Variants in SNX30 observed in about 807,000 individuals in gnomAD.
SNX30 encodes the protein sorting nexin family member 30.
A neutral mutation model predicts 46.4 loss-of-function variants in SNX30; 24 were observed. The ratio of observed to expected loss-of-function variants is 0.52; its 90% confidence interval spans 0.37 to 0.73. The LOEUF (loss-of-function observed/expected upper bound fraction) is 0.73, where lower values mean the gene tolerates loss of function less well. SNX30 is among the 30% of genes least tolerant of loss of function. The pLI is 0.00. For synonymous variants in SNX30, 189 were observed against 211.5 expected (o/e 0.89, Z 0.92); for missense variants, 533 against 555.7 (o/e 0.96, Z 0.41).
At chr9:112,817,862 T>A (rs1840425917) in intron 3 of SNX30, 47 bp downstream of exon 3, 1 of 1,315,608 alleles carries the variant, frequency 7.6e-7, no homozygotes, top group African/African-American at 1.4e-5. Context: ...TCCTGTGTTG[T>A]CTTTCCTGAA....
intron 1 of SNX30, among the ~76,000 whole-genome samples, chr9:112,793,525 A>G (rs575206837): frequency 2.6e-5 from 4 of 152,266 alleles, no homozygotes; most frequent in South Asian, 2.1e-4. Context: ...CAAACCTTCC[A>G]TGTCCTCTAC....
chr9:112,810,221 G>A (rs1235702127), intron 2 of SNX30, among the ~76,000 whole-genome samples: 1 of 152,134 alleles, frequency 6.6e-6, no homozygotes, highest in East Asian at 1.9e-4. Flanking sequence ...GATTTGGACA[G>A]TGTGGGAGTG....
Position 112,869,946 on chromosome 9 carries a change from C to A in SNX30, c.*1103C>A, listed in dbSNP as rs891156096. On this transcript the variant is annotated 3_prime_UTR_variant, in exon 9 of 9. Transcript: ENST00000374232. ...AATGTTCTACATAAAGTGCTTTAAC[C>A]CTTAACATTTCCTGGTCAGGAAGGA... The A allele has an allele frequency of 6.6e-6, 1 of 152,082 alleles. No individual in the cohort carries two copies. Among genetic ancestry groups the A allele is most frequent in the Non-Finnish European group, 1.5e-5 (1 of 68,010 alleles). The allele number at this position is 152,082 out of a possible 1,614,324, so 9.4% of individuals were successfully genotyped here.
chr9:112,762,294 G>A (rs1310863494), intron 1 of SNX30, among the ~76,000 whole-genome samples: 1 of 152,118 alleles, frequency 6.6e-6, no homozygotes, highest in Non-Finnish European at 1.5e-5. Flanking sequence ...TTGAGAAGGG[G>A]CACAGAGGCG....
chr9:112,831,013 C>T, intron 4 of SNX30, 130 bp downstream of exon 4: 1 of 934,012 alleles, frequency 1.1e-6, no homozygotes, highest in East Asian at 2.8e-5. Flanking sequence ...TGTTGTGCGC[C>T]TGTAGTCCCA....
At chr9:112,879,497 A>T, downstream of SNX30, 1 of 432,350 alleles carries the variant, frequency 2.3e-6, no homozygotes, top group Non-Finnish European at 4.3e-6. Context: ...GTAACCCTTA[A>T]GGTCATGCTC....
intron 3 of SNX30, among the ~76,000 whole-genome samples, chr9:112,826,873 G>T (rs1178483058): frequency 6.6e-6 from 1 of 152,226 alleles, no homozygotes; most frequent in Admixed American, 6.5e-5. Context: ...ACTTCTCAGT[G>T]CTTTGGACTG....
downstream of SNX30, among the ~76,000 whole-genome samples, chr9:112,882,236 A>G (rs530531747): frequency 8.6e-4 from 131 of 152,206 alleles, no homozygotes; most frequent in Non-Finnish European, 1.5e-3. Context: ...CCTCCCAACT[A>G]GCTGGGACTA....
intron 6 of SNX30, among the ~76,000 whole-genome samples, chr9:112,844,688 G>A (rs559454268): frequency 1.3e-5 from 2 of 152,344 alleles, no homozygotes; most frequent in South Asian, 2.1e-4. Flanking sequence ...AGACATCGTT[G>A]GTGATCGAGA....
In SNX30 at chr9:112,871,243, A is replaced by G. The variant is rs549172912; in HGVS notation, c.*2400A>G. ...AACAGAGCCAGGAAGTCCAGTGTAC[A>G]TTACAGATTTTCTGGGAGAAATAGT... On this transcript the variant is annotated 3_prime_UTR_variant, in exon 9 of 9. Coordinates refer to ENST00000374232, the MANE Select transcript of SNX30 (RefSeq NM_001012994.2). 1.2e-4 allele frequency: 18 copies of G among 152,272 alleles called. No homozygotes were observed. Among genetic ancestry groups the G allele is most frequent in the African/African-American group, 4.1e-4 (17 of 41,578 alleles). 9.4% of individuals were successfully genotyped at this position (152,272 alleles called of 1,614,324 possible).
intron 1 of SNX30, among the ~76,000 whole-genome samples, chr9:112,793,429 C>A (rs1197023044): frequency 6.6e-6 from 1 of 152,196 alleles, no homozygotes; most frequent in African/African-American, 2.4e-5. Flanking sequence ...TGGTGGCCCA[C>A]ACTTGGTGTA....
intron 1 of SNX30, among the ~76,000 whole-genome samples, chr9:112,795,282 C>T (rs967488662): frequency 1.3e-5 from 2 of 152,022 alleles, no homozygotes; most frequent in African/African-American, 4.8e-5. Context: ...CCCACTATAC[C>T]CATTTTATAA....
At chr9:112,812,360 A>G (rs1840333445) in intron 2 of SNX30, among the ~76,000 whole-genome samples, 1 of 151,990 alleles carries the variant, frequency 6.6e-6, no homozygotes, top group South Asian at 2.1e-4. Flanking sequence ...GATTCAAGCA[A>G]TTCTCCTGCC....
downstream of SNX30, chr9:112,885,625 T>G (rs1271650426): frequency 6.6e-6 from 1 of 152,138 alleles, no homozygotes; most frequent in Non-Finnish European, 1.5e-5. Flanking sequence ...CTAGATGTAC[T>G]GTAAGTGTAA....
At chr9:112,759,727 CA>C (rs57320231) in intron 1 of SNX30, among the ~76,000 whole-genome samples, 134,362 of 137,678 alleles carry the variant, frequency 0.98, 65,549 homozygotes, top group East Asian at 0.99. Flanking sequence ...GACTCCATCT[CA>C]AAAAAAAAAA....
chr9:112,881,607 AAGTC>A (rs1841578168), exon 6 of SNX30: 2 of 152,228 alleles, frequency 1.3e-5, no homozygotes, highest in Admixed American at 1.3e-4. Flanking sequence ...TAGTCAGCGT[AAGTC>A]AGCGCTGAGA....
At chr9:112,809,910 CT>C (rs1840292350) in intron 2 of SNX30, among the ~76,000 whole-genome samples, 2 of 151,696 alleles carry the variant, frequency 1.3e-5, no homozygotes, top group African/African-American at 2.4e-5. Flanking sequence ...ATGAAAGAGA[CT>C]TGTTTAACTG....
At chr9:112,776,234 T>G (rs901638198) in intron 1 of SNX30, among the ~76,000 whole-genome samples, 5 of 152,254 alleles carry the variant, frequency 3.3e-5, no homozygotes, top group Non-Finnish European at 7.3e-5. Context: ...CTGTCCTTTT[T>G]TAGGTTCACC....
In SNX30 at chr9:112,865,672, T is replaced by C. The variant is rs544032876; in HGVS notation, c.1254+1273T>C. On this transcript the variant is annotated intron_variant, in intron 8 of 8. Coordinates refer to ENST00000374232, the MANE Select transcript of SNX30 (RefSeq NM_001012994.2). ...ATATATATATATATATGTATGTATG[T>C]ATGCACACACACACACACGTATACA... Among the ~76,000 whole-genome samples, 29 of 105,310 alleles carry C rather than the reference T, an allele frequency of 2.8e-4. 2 individuals are homozygous for C. The highest frequency in any genetic ancestry group is 8.7e-4 in the African/African-American group (24 of 27,590). 69.1% of individuals were successfully genotyped at this position (105,310 alleles called of 152,430 possible).
Sources: gnomAD v4.1 joint callset for allele counts (sites outside exome capture counted in the v4.1 genomes callset) on GRCh38, gnomAD v4.1.1 for gene constraint, MANE v1.5 for transcripts, NCBI Gene and HGNC (gene_info 2026-07-23, HGNC 2026-07-21) for gene names.